The following FCGR3B variants were observed in gnomAD, a reference collection of about 807,000 sequenced individuals.
The protein encoded by FCGR3B is Fc gamma receptor IIIb, also known as low affinity immunoglobulin gamma Fc region receptor III-B.
In FCGR3B, 20 loss-of-function variants were observed where a neutral mutation model predicts 26.7. That is an observed-to-expected ratio of 0.75 (90% CI 0.53 to 1.09). FCGR3B has a LOEUF of 1.09. Ranked by LOEUF, FCGR3B falls within the 50% of genes least tolerant of loss-of-function variation. FCGR3B has a pLI of 0.00. For missense variants in FCGR3B, 191 were observed against 279.7 expected, an observed-to-expected ratio of 0.68 and a Z score of 2.26; for synonymous variants, 79 against 107.0, an observed-to-expected ratio of 0.74 and a Z score of 1.62.
chr1:161,631,864 G>A (rs964113713), upstream of FCGR3B: 2 of 134,268 alleles, frequency 1.5e-5, no homozygotes, highest in African/African-American at 2.8e-5. Flanking sequence ...GGTGGGGAGG[G>A]GTGAGGACAG....
chr1:161,630,468 C>T, intron 1 of FCGR3B, 80 bp from the exon 2 acceptor site: 3 of 1,256,516 alleles, frequency 2.4e-6, no homozygotes, highest in Non-Finnish European at 3.4e-6. Context: ...GTTTAAAACT[C>T]CCCTGCCCTC....
At position 161,624,184 on chromosome 1, in the gene FCGR3B, T is replaced by C. The variant is rs150375393; in HGVS notation, c.*331A>G. On this transcript the variant is annotated 3_prime_UTR_variant, in exon 5 of 5. Coordinates refer to ENST00000650385, the MANE Select transcript of FCGR3B (RefSeq NM_001244753.2). ...GTATTGTTGCTTTGCTGTGAGGGAA[T>C]GGTTGGGACAGAAAAAGTGTTTGTG... is the stretch of plus-strand genomic sequence containing the variant. The C allele has an allele frequency of 2.0e-4, 57 of 280,864 alleles. 2 individuals carry two copies. Among genetic ancestry groups the C allele is most frequent in the Middle Eastern group, 2.2e-3 (2 of 894 alleles). The allele number at this position is 280,864 out of a possible 1,614,324, so 17.4% of individuals were successfully genotyped here. A position where few individuals can be genotyped will look rare whatever the true frequency, so the allele number is the denominator to read the frequency against.
In FCGR3B at chr1:161,631,085, G is replaced by T. The variant is rs1271845437; in HGVS notation, c.10C>A (p.Leu4Met). Residue 4 changes from leucine (L) to methionine (M), a missense_variant, in exon 1 of 5, where the codon CTG becomes ATG. Around this residue, in one of 2 missense-constraint regions of FCGR3B, gnomAD observed 88 missense variants for 165.2 expected, o/e 0.53. Coordinates refer to ENST00000650385, the MANE Select transcript of FCGR3B (RefSeq NM_001244753.2). MWQ[L>M]LLPTALLLLV... ...AGTAGCAGAGCAGTTGGGAGGAGCA[G>T]CTGCCACATGATGCCACACTGGAGT... 1.2e-6 allele frequency: 2 copies of T among 1,607,078 alleles called. 1 individual carries two copies.
rs1383600115 is a variant in FCGR3B at position 161,626,323 on chromosome 1, G to A, written c.399C>T (p.Asn133=). Residue 133 remains asparagine (N), a synonymous_variant, in exon 4 of 5, where the codon AAC becomes AAT. Coordinates refer to ENST00000650385, the MANE Select transcript of FCGR3B (RefSeq NM_001244753.2). The part of the protein sequence containing the change: ...PIHLRCHSWK[N]TALHKVTYLQ... Reference sequence around the variant, plus strand: ...AATATGTGACCTTATGCAGAGCAGTGTTCTTCCAGCTGTGACACCTCAGGT... The same window carrying A: ...AATATGTGACCTTATGCAGAGCAGTATTCTTCCAGCTGTGACACCTCAGGT... 6 of 1,609,012 alleles carry A rather than the reference G, an allele frequency of 3.7e-6. No homozygotes were observed. The African/African-American group carries it at 5.4e-5, about 15-fold the overall frequency.
At chr1:161,626,741 A>G (rs1362280519) in intron 3 of FCGR3B, among the ~76,000 whole-genome samples, 14 of 149,860 alleles carry the variant, frequency 9.3e-5, no homozygotes, top group Non-Finnish European at 1.5e-4. Context: ...GCAGGTGACA[A>G]GGATTCACAG....
At chr1:161,627,749 T>A (rs1679535028) in intron 3 of FCGR3B, among the ~76,000 whole-genome samples, 1 of 150,224 alleles carries the variant, frequency 6.7e-6, no homozygotes, top group South Asian at 2.1e-4. Flanking sequence ...CATGTGTATA[T>A]TCCTTCAAGT....
At chr1:161,631,541 T>C (rs1489253266), upstream of FCGR3B, 4 of 442,304 alleles carry the variant, frequency 9.0e-6, no homozygotes, top group Middle Eastern at 5.9e-4. Context: ...ACCTCAGAAC[T>C]TCTCACTCTC....
Position 161,624,587 on chromosome 1 carries a change from A to G in FCGR3B, c.630T>C (p.Ser210=), listed in dbSNP as rs759104285. The G allele has an allele frequency of 5.0e-6, 8 of 1,606,602 alleles. No individual in the cohort carries two copies. The South Asian group carries it at 6.6e-5, about 13-fold the overall frequency. ...SSFSPPGYQV[S]FCLVMVLLFA... ...AAAGGAGTACCATCACCAAGCAGAA[A>G]GAGACTTGGTACCCAGGTGGAGAGA... The change falls in exon 5 of 5, where the codon TCT becomes TCC. Residue 210 remains serine, a synonymous_variant. Coordinates refer to ENST00000650385, the MANE Select transcript of FCGR3B (RefSeq NM_001244753.2).
Position 161,624,634 on chromosome 1 carries a change from C to T in FCGR3B, c.583G>A (p.Ala195Thr), listed in dbSNP as rs138362091. 38 of 1,603,298 alleles carry T rather than the reference C, an allele frequency of 2.4e-5. No homozygotes were observed. In the African/African-American group the frequency reaches 5.1e-4, roughly 21 times the overall value. Residue 195 changes from alanine to threonine, a missense_variant, in exon 5 of 5, where the codon GCA becomes ACA. This residue lies in a region of FCGR3B where 103 missense variants were observed against 114.5 expected (regional missense o/e 0.90). Coordinates refer to ENST00000650385, the MANE Select transcript of FCGR3B (RefSeq NM_001244753.2). ...GAGAATGATGAGATGGTTGACACTG[C>T]CAAACCTATTAGGAGAAGTGGAGAG... The part of the protein sequence containing the change: ...TVNITITQGL[A>T]VSTISSFSPP...
intron 4 of FCGR3B, among the ~76,000 whole-genome samples, chr1:161,625,904 C>T (rs1679430603): frequency 6.8e-6 from 1 of 147,674 alleles, no homozygotes. Context: ...TCTGCTCCTG[C>T]CATCATGCTG....
Position 161,623,221 on chromosome 1 carries a change from T to G in FCGR3B, c.*1294A>C, listed in dbSNP as rs1310728672. The G allele has an allele frequency of 6.7e-6, 1 of 149,782 alleles. No individual in the cohort carries two copies. Among genetic ancestry groups the G allele is most frequent in the African/African-American group, 2.5e-5 (1 of 40,092 alleles). 9.3% of individuals were successfully genotyped at this position (149,782 alleles called of 1,614,324 possible). A position where few individuals can be genotyped will look rare whatever the true frequency, so the allele number is the denominator to read the frequency against. ...TTTTATCATTCATATTTTATTACCA[T>G]GGTTTTGCCATCTTCTATCTAAGAG... On this transcript the variant is annotated 3_prime_UTR_variant, in exon 5 of 5. Coordinates refer to ENST00000650385, the MANE Select transcript of FCGR3B (RefSeq NM_001244753.2).
Position 161,630,478 on chromosome 1 carries a change from C to T in FCGR3B, c.41-90G>A. 13 of 1,162,652 alleles carry T rather than the reference C, an allele frequency of 1.1e-5. 1 individual carries two copies. The highest frequency in any genetic ancestry group is 2.1e-5 in the Admixed American group (1 of 47,876). The allele number at this position is 1,162,652 out of a possible 1,614,324, so 72.0% of individuals were successfully genotyped here. The stretch of plus-strand genomic sequence containing the variant: ...AGTGAGTTTAAAACTCCCCTGCCCT[C>T]CTCTGCCCCAGGAGCCCAATTTTCC... On this transcript the variant is annotated intron_variant, in intron 1 of 4. Coordinates refer to ENST00000650385, the MANE Select transcript of FCGR3B (RefSeq NM_001244753.2).
intron 3 of FCGR3B, among the ~76,000 whole-genome samples, chr1:161,626,610 GA>G (rs1679476576): frequency 1.4e-5 from 2 of 148,064 alleles, no homozygotes; most frequent in Non-Finnish European, 3.0e-5. Flanking sequence ...GGGGAAGAGG[GA>G]CACACACACA....
In FCGR3B at chr1:161,631,088, G is replaced by T; in HGVS notation, c.7C>A (p.Gln3Lys). MWQLLLPTALLLL... is the reference protein window; with the variant it reads MWKLLLPTALLLL... ...AGCAGAGCAGTTGGGAGGAGCAGCT[G>T]CCACATGATGCCACACTGGAGTGGA... is the stretch of plus-strand genomic sequence containing the variant. The change falls in exon 1 of 5, where the codon CAG (glutamine) becomes AAG (lysine). Residue 3 changes from glutamine to lysine, a missense_variant. Transcript: ENST00000650385. The T allele has an allele frequency of 6.2e-7, 1 of 1,606,920 alleles. No individual in the cohort carries two copies. The highest frequency in any genetic ancestry group is 8.5e-7 in the Non-Finnish European group (1 of 1,177,304).
rs753014471 is a variant in FCGR3B at position 161,630,394 on chromosome 1, AG to A, written c.41-7del. ...AGTCCGCATGCCAGCTGAAACTGCAAGAAAAAAGAGTAAATCAAATATTGAG... is the reference window on the plus strand; with the variant it reads ...AGTCCGCATGCCAGCTGAAACTGCAAAAAAAAGAGTAAATCAAATATTGAG... On this transcript the variant is annotated splice_polypyrimidine_tract_variant and splice_region_variant and intron_variant, in intron 1 of 4. Transcript: ENST00000650385. 2.1e-5 allele frequency: 33 copies of A among 1,606,016 alleles called. 1 individual carries two copies. The highest frequency in any genetic ancestry group is 2.8e-5 in the Non-Finnish European group (33 of 1,176,488).
Position 161,630,633 on chromosome 1 carries a change from C to T in FCGR3B, c.41-245G>A, listed in dbSNP as rs890811607. On this transcript the variant is annotated intron_variant, in intron 1 of 4. Coordinates refer to ENST00000650385, the MANE Select transcript of FCGR3B (RefSeq NM_001244753.2). Reference sequence around the variant, plus strand: ...GCTCCCTTACCCCTTGCTCCCTGTGCAAACTCACAAATTAAGGGTACAGGT... The same window carrying T: ...GCTCCCTTACCCCTTGCTCCCTGTGTAAACTCACAAATTAAGGGTACAGGT... 34 of 569,162 alleles carry T rather than the reference C, an allele frequency of 6.0e-5. 1 individual carries two copies. Among genetic ancestry groups the T allele is most frequent in the Non-Finnish European group, 1.0e-4 (33 of 314,956 alleles). The allele number at this position is 569,162 out of a possible 1,614,324, so 35.3% of individuals were successfully genotyped here.
chr1:161,631,289 G>T (rs1679740520), upstream of FCGR3B: 1 of 1,375,018 alleles, frequency 7.3e-7, no homozygotes, highest in Non-Finnish European at 9.8e-7. Context: ...CATAGAACAG[G>T]AATAGGAAGG....
intron 3 of FCGR3B, among the ~76,000 whole-genome samples, chr1:161,629,428 C>CA (rs1679628569): frequency 1.6e-5 from 1 of 62,836 alleles, no homozygotes; most frequent in Non-Finnish European, 3.0e-5. Context: ...TACTCTGTCT[C>CA]AAAAAATAAA....
chr1:161,630,872 G>A (rs1679712811), intron 1 of FCGR3B, 183 bp downstream of exon 1: 13 of 1,391,574 alleles, frequency 9.3e-6, no homozygotes, highest in Non-Finnish European at 1.2e-5. Flanking sequence ...TGACCCAATT[G>A]GAACCAGCAT....
Sources: gnomAD v4.1 joint callset for allele counts (sites outside exome capture counted in the v4.1 genomes callset) on GRCh38, gnomAD v4.1.1 for gene constraint, gnomAD v4.1.1 regional missense constraint, MANE v1.5 for transcripts, NCBI Gene and HGNC (gene_info 2026-07-23, HGNC 2026-07-21) for gene names.